Variants in COL28A1 observed in about 807,000 individuals in gnomAD.
COL28A1 encodes collagen alpha-1(XXVIII) chain.
A neutral mutation model predicts 150.2 loss-of-function variants in COL28A1; 161 were observed. That is an observed-to-expected ratio of 1.07 (90% CI 0.94 to 1.22). The LOEUF is 1.22. Ranked by LOEUF, COL28A1 falls within the 50% of genes most tolerant of loss-of-function variation. The pLI is 0.00. For missense variants in COL28A1, 1,617 were observed against 1,388.3 expected (o/e 1.16, Z -2.62); for synonymous variants, 552 against 469.7 (o/e 1.18, Z -2.26).
At chr7:7,451,609 G>A (rs537948623) in intron 18 of COL28A1, among the ~76,000 whole-genome samples, 4 of 151,996 alleles carry the variant, frequency 2.6e-5, no homozygotes, top group African/African-American at 7.2e-5. Flanking sequence ...TCTAACGGCT[G>A]AGCCTTACTA....
At chr7:7,361,017 A>T (rs1041282127) in intron 33 of COL28A1, among the ~76,000 whole-genome samples, 5 of 152,202 alleles carry the variant, frequency 3.3e-5, no homozygotes. Flanking sequence ...GAGATTGGGA[A>T]TTAGGGTAGC....
chr7:7,382,526 C>T (rs1427519642), intron 27 of COL28A1, among the ~76,000 whole-genome samples: 1 of 152,010 alleles, frequency 6.6e-6, no homozygotes, highest in Non-Finnish European at 1.5e-5. Flanking sequence ...ACACAGTTTC[C>T]AAGGGGTTTC....
chr7:7,506,480 G>A (rs1192821969), intron 10 of COL28A1, among the ~76,000 whole-genome samples: 2 of 152,110 alleles, frequency 1.3e-5, no homozygotes, highest in Admixed American at 6.5e-5. Flanking sequence ...CCAGGCTAAA[G>A]CAAAGAAGTT....
At chr7:7,528,258 T>G (rs571949202) in intron 3 of COL28A1, among the ~76,000 whole-genome samples, 128 of 152,316 alleles carry the variant, frequency 8.4e-4, no homozygotes, top group Non-Finnish European at 7.4e-4. Context: ...TCTCTTACTC[T>G]TCTACAGGAC....
chr7:7,511,685 G>GT lies in COL28A1; in HGVS notation c.883-551dup, dbSNP rs1271379189. ...CCTAGTAGTGTTCACCTGGAGAACC[G>GT]TGAGAGAAAGGTTCTGAAGTGAGAT... On this transcript the variant is annotated intron_variant, in intron 8 of 34. Coordinates refer to ENST00000399429, the MANE Select transcript of COL28A1 (RefSeq NM_001037763.3). The GT allele has an allele frequency of 1.1e-5, 5 of 466,556 alleles. No homozygotes were observed. In the East Asian group the frequency reaches 2.8e-4, roughly 26 times the overall value. 28.9% of individuals were successfully genotyped at this position (466,556 alleles called of 1,614,324 possible).
chr7:7,460,093 G>A (rs143467405), intron 15 of COL28A1, among the ~76,000 whole-genome samples: 294 of 152,248 alleles, frequency 1.9e-3, no homozygotes, highest in African/African-American at 6.3e-3. Flanking sequence ...GCCCATCCCT[G>A]ATTTCTTAAA....
intron 34 of COL28A1, among the ~76,000 whole-genome samples, chr7:7,359,198 T>A (rs191701162): frequency 3.9e-5 from 6 of 152,248 alleles, no homozygotes; most frequent in African/African-American, 1.4e-4. Flanking sequence ...ATATTTCCAC[T>A]TTCTGTACAC....
chr7:7,520,883 T>C (rs1583560958), intron 5 of COL28A1, among the ~76,000 whole-genome samples: 1 of 152,336 alleles, frequency 6.6e-6, no homozygotes, highest in Middle Eastern at 3.4e-3. Context: ...TGGCTAAACC[T>C]TTGCTTTAGC....
chr7:7,357,386 C>G (rs923479828), downstream of COL28A1, among the ~76,000 whole-genome samples: 1 of 151,418 alleles, frequency 6.6e-6, no homozygotes, highest in East Asian at 2.0e-4. Context: ...TGTGGCCGGG[C>G]GGGGTGGCTC....
At chr7:7,532,629 A>G in intron 2 of COL28A1, 123 bp downstream of exon 2, 2 of 1,259,888 alleles carry the variant, frequency 1.6e-6, no homozygotes, top group East Asian at 4.9e-5. Flanking sequence ...AATTTTATCA[A>G]AGTAGACTAT....
chr7:7,341,271 A>G, the COL28A1 span, among the ~76,000 whole-genome samples: 60 of 152,282 alleles, frequency 3.9e-4, no homozygotes, highest in African/African-American at 1.3e-3. Context: ...TAGTCTTTTC[A>G]AAGAGTCAAC....
intron 16 of COL28A1, among the ~76,000 whole-genome samples, chr7:7,454,892 A>T (rs575123878): frequency 6.6e-6 from 1 of 152,230 alleles, no homozygotes; most frequent in South Asian, 2.1e-4. Context: ...ATTTATTTAT[A>T]CATTTATCTT....
At chr7:7,380,630 C>T (rs377316417) in intron 30 of COL28A1, 30 bp downstream of exon 30, 8 of 1,602,868 alleles carry the variant, frequency 5.0e-6, no homozygotes, top group African/African-American at 1.3e-5. Context: ...AGCACAAAAC[C>T]CTCAATTACC....
chr7:7,420,890 G>A (rs887806337), intron 25 of COL28A1, among the ~76,000 whole-genome samples: 8 of 152,336 alleles, frequency 5.3e-5, no homozygotes, highest in Non-Finnish European at 8.8e-5. Flanking sequence ...AGAAAAACAG[G>A]AACCCTCATA....
intron 19 of COL28A1, 115 bp from the exon 20 acceptor site, chr7:7,443,768 A>C (rs1465208834): frequency 1.3e-5 from 18 of 1,397,902 alleles, no homozygotes; most frequent in Non-Finnish European, 1.7e-5. Flanking sequence ...TCCAAAACAC[A>C]CCATACCTTC....
the COL28A1 span, among the ~76,000 whole-genome samples, chr7:7,346,108 TAAC>T: frequency 2.9e-3 from 444 of 152,178 alleles, 6 homozygotes; most frequent in African/African-American, 0.01. Flanking sequence ...CATTCTGAAA[TAAC>T]AAGTATTTGG....
chr7:7,360,608 A>G (rs7786515), intron 33 of COL28A1, 80 bp from the exon 34 acceptor site: 1,044,898 of 1,317,560 alleles, frequency 0.79, 414,609 homozygotes, highest in East Asian at 0.88. Context: ...GAACATATAA[A>G]GACTAGTTCA....
At chr7:7,512,715 T>C (rs938660740) in intron 8 of COL28A1, among the ~76,000 whole-genome samples, 10 of 152,360 alleles carry the variant, frequency 6.6e-5, no homozygotes, top group African/African-American at 2.2e-4. Context: ...CTTTTATATA[T>C]ATCGTTATTT....
intron 9 of COL28A1, 67 bp downstream of exon 9, chr7:7,511,024 T>C (rs201207319): frequency 7.8e-6 from 10 of 1,274,006 alleles, no homozygotes; most frequent in Non-Finnish European, 1.1e-5. Context: ...GCCCAGGAAT[T>C]TCCCCTTAAG....
Sources: allele counts gnomAD v4.1 joint callset (sites outside exome capture counted in the v4.1 genomes callset), GRCh38; gene constraint gnomAD v4.1.1; transcripts MANE v1.5; gene names NCBI Gene and HGNC (gene_info 2026-07-23, HGNC 2026-07-21).